The following MYO16 variants were observed in gnomAD, a reference collection of about 807,000 sequenced individuals.
The protein encoded by MYO16 is myosin XVI.
Under a neutral mutation model 205.3 loss-of-function variants are expected in MYO16, and 94 were observed. The observed-to-expected ratio is 0.46, with a 90% CI of 0.39 to 0.54. The LOEUF is 0.54. Ranked by LOEUF, MYO16 falls within the 20% of genes least tolerant of loss-of-function variation. MYO16 has a pLI of 0.00. For missense variants in MYO16, 2,315 were observed against 2,387.5 expected (o/e 0.97, Z 0.63); for synonymous variants, 988 against 954.0 (o/e 1.04, Z -0.66).
At chr13:108,656,500 G>C (rs1207822583) in intron 1 of MYO16, among the ~76,000 whole-genome samples, 1 of 152,088 alleles carries the variant, frequency 6.6e-6, no homozygotes, top group Non-Finnish European at 1.5e-5. Context: ...GCATTGGGCA[G>C]GACATCAATA....
intron 9 of MYO16, among the ~76,000 whole-genome samples, chr13:108,830,664 G>GAC (rs1170250188): frequency 3.3e-5 from 5 of 150,054 alleles, no homozygotes; most frequent in Non-Finnish European, 5.9e-5. Flanking sequence ...AATGCTAGAT[G>GAC]ACGAGTTAGT....
At chr13:108,902,078 G>A (rs1170859041) in intron 15 of MYO16, among the ~76,000 whole-genome samples, 1 of 152,208 alleles carries the variant, frequency 6.6e-6, no homozygotes, top group Non-Finnish European at 1.5e-5. Context: ...GGACAAATTT[G>A]TTCAAGTATC....
intron 11 of MYO16, among the ~76,000 whole-genome samples, chr13:108,861,195 C>T (rs1247875125): frequency 6.6e-6 from 1 of 152,152 alleles, no homozygotes; most frequent in Admixed American, 6.6e-5. Context: ...GAGAAGTCCT[C>T]TCCCAATCCA....
intron 23 of MYO16, among the ~76,000 whole-genome samples, chr13:109,042,654 G>A (rs770698300): frequency 2.0e-5 from 3 of 152,150 alleles, no homozygotes; most frequent in African/African-American, 7.2e-5. Flanking sequence ...GTGTTCATCT[G>A]TCAACTCAAA....
intron 1 of MYO16, among the ~76,000 whole-genome samples, chr13:108,636,017 T>A (rs1226254704): frequency 1.3e-5 from 2 of 152,204 alleles, no homozygotes; most frequent in Non-Finnish European, 1.5e-5. Flanking sequence ...AATTAAGGTG[T>A]GTGTGTGTGA....
At chr13:108,853,057 C>G (rs141081136) in intron 10 of MYO16, among the ~76,000 whole-genome samples, 1 of 152,098 alleles carries the variant, frequency 6.6e-6, no homozygotes, top group Non-Finnish European at 1.5e-5. Flanking sequence ...TTTGTGTGAC[C>G]GATGAAAGCA....
chr13:108,991,791 T>G (rs1374010952), intron 20 of MYO16, among the ~76,000 whole-genome samples: 1 of 152,200 alleles, frequency 6.6e-6, no homozygotes, highest in East Asian at 1.9e-4. Flanking sequence ...GCTCAGTTCC[T>G]TAAGGGAAAA....
intron 27 of MYO16, among the ~76,000 whole-genome samples, chr13:109,079,082 T>G (rs979068578): frequency 5.3e-5 from 8 of 152,138 alleles, no homozygotes; most frequent in Non-Finnish European, 1.2e-4. Context: ...ATCCCTCATC[T>G]CTCATCTCTT....
intron 7 of MYO16, among the ~76,000 whole-genome samples, chr13:108,818,114 T>C: frequency 6.6e-6 from 1 of 152,152 alleles, no homozygotes; most frequent in East Asian, 1.9e-4. Flanking sequence ...CCAGGCTCGG[T>C]GGCTCACGCG....
intron 27 of MYO16, among the ~76,000 whole-genome samples, chr13:109,082,025 C>CT: frequency 6.6e-6 from 1 of 152,300 alleles, no homozygotes; most frequent in African/African-American, 2.4e-5. Context: ...GCAATACAGA[C>CT]TGTAGGCCCA....
chr13:108,879,507 C>T (rs1027427002), intron 12 of MYO16, among the ~76,000 whole-genome samples: 1 of 152,098 alleles, frequency 6.6e-6, no homozygotes, highest in Non-Finnish European at 1.5e-5. Flanking sequence ...TGCTATCCCT[C>T]CCCACTCCCC....
chr13:108,705,013 T>C (rs79312320), intron 2 of MYO16, among the ~76,000 whole-genome samples: 1 of 151,450 alleles, frequency 6.6e-6, no homozygotes, highest in African/African-American at 2.4e-5. Flanking sequence ...TGAAAGAAGA[T>C]ACAATAGTGC....
At chr13:108,834,882 A>T (rs1285546645) in intron 9 of MYO16, among the ~76,000 whole-genome samples, 1 of 152,108 alleles carries the variant, frequency 6.6e-6, no homozygotes, top group Non-Finnish European at 1.5e-5. Flanking sequence ...TATTGAAGTT[A>T]AATTTTCTGA....
In MYO16 at chr13:108,844,447, G is replaced by A; in HGVS notation, c.1202G>A (p.Ser401Asn). ...KGLCKQQSQDSIPENPMMSGS... is the reference protein window; with the variant it reads ...KGLCKQQSQDNIPENPMMSGS... ...CTGTGTAAGCAGCAGTCTCAGGACA[G>A]CATCCCTGAAAACCCCATGATGAGC... Residue 401 changes from serine (S) to asparagine (N), a missense_variant, in exon 10 of 35, where the codon AGC becomes AAC. Physicochemically the swap from Ser to Asn is conservative, Grantham distance 46 (BLOSUM62 1). Transcript: ENST00000457511. 1 of 1,612,258 alleles carries A rather than the reference G, an allele frequency of 6.2e-7. No homozygotes were observed. The highest frequency in any genetic ancestry group is 1.3e-5 in the African/African-American group (1 of 75,030).
At chr13:108,542,496 A>G in the MYO16 span, among the ~76,000 whole-genome samples, 1 of 152,338 alleles carries the variant, frequency 6.6e-6, no homozygotes, top group East Asian at 1.9e-4. Flanking sequence ...TTTTAAAAAT[A>G]AATAGTTACT....
intron 4 of MYO16, among the ~76,000 whole-genome samples, chr13:108,783,253 G>C (rs1267100612): frequency 6.6e-6 from 1 of 152,212 alleles, no homozygotes; most frequent in Non-Finnish European, 1.5e-5. Context: ...GAGACTTGGA[G>C]TAAAAGGAGA....
At chr13:108,740,914 G>A (rs1018298933) in intron 4 of MYO16, among the ~76,000 whole-genome samples, 10 of 152,154 alleles carry the variant, frequency 6.6e-5, no homozygotes, top group African/African-American at 2.4e-4. Context: ...AGGCTCTGTG[G>A]GCGTGGGACC....
intron 11 of MYO16, among the ~76,000 whole-genome samples, chr13:108,862,187 T>C (rs1340809735): frequency 6.6e-6 from 1 of 152,184 alleles, no homozygotes; most frequent in Non-Finnish European, 1.5e-5. Flanking sequence ...GCCAAACATC[T>C]ATAATCCTGC....
chr13:108,750,375 T>C (rs1217120707), intron 4 of MYO16, among the ~76,000 whole-genome samples: 2 of 152,094 alleles, frequency 1.3e-5, no homozygotes, highest in South Asian at 4.1e-4. Flanking sequence ...TGGAAAAAAG[T>C]AAGGTGCCGA....
Sources: allele counts gnomAD v4.1 joint callset (sites outside exome capture counted in the v4.1 genomes callset), GRCh38; gene constraint gnomAD v4.1.1; transcripts MANE v1.5; gene names NCBI Gene and HGNC (gene_info 2026-07-23, HGNC 2026-07-21).